WDHD1: variants seen among roughly 807,000 people sequenced by gnomAD.
The protein encoded by WDHD1 is WD repeat and HMG-box DNA binding protein 1.
A neutral mutation model predicts 135.4 loss-of-function variants in WDHD1; 111 were observed. That is an observed-to-expected ratio of 0.82 (90% CI 0.70 to 0.96). WDHD1 has a LOEUF of 0.96. Among genes scored for constraint, WDHD1 ranks in the 40% least tolerant of loss-of-function variants. The pLI is 0.00. For missense variants in WDHD1, 1,351 were observed against 1,336.3 expected, an observed-to-expected ratio of 1.01 and a Z score of -0.17; for synonymous variants, 434 against 439.0, an observed-to-expected ratio of 0.99 and a Z score of 0.14.
chr14:55,013,811 T>C (rs965440369), intron 2 of WDHD1, among the ~76,000 whole-genome samples: 2 of 151,730 alleles, frequency 1.3e-5, no homozygotes, highest in African/African-American at 4.8e-5. Flanking sequence ...GAGGCTGCAG[T>C]AGGAAGATAA....
At chr14:55,010,771 A>C (rs1299586826) in intron 3 of WDHD1, among the ~76,000 whole-genome samples, 3 of 152,270 alleles carry the variant, frequency 2.0e-5, no homozygotes, top group African/African-American at 7.2e-5. Flanking sequence ...AAGGAGACTC[A>C]AGAGAGCTTT....
At chr14:54,952,096 C>G (rs2041066874) in intron 24 of WDHD1, among the ~76,000 whole-genome samples, 1 of 152,192 alleles carries the variant, frequency 6.6e-6, no homozygotes, top group African/African-American at 2.4e-5. Context: ...CAGGGATGCC[C>G]TCTCTCACCA....
In WDHD1 at chr14:55,000,693, A is replaced by G. The variant is rs145936318; in HGVS notation, c.801-49T>C. The G allele has an allele frequency of 4.6e-4, 650 of 1,412,090 alleles. 1 individual carries two copies. The highest frequency in any genetic ancestry group is 4.1e-3 in the African/African-American group (278 of 67,650). 87.5% of individuals were successfully genotyped at this position (1,412,090 alleles called of 1,614,324 possible). ...AAAAATACTGTCAAGAAAAATATAA[A>G]TTGTACATTTCTTTAGGTAAATTTT... is the stretch of plus-strand genomic sequence containing the variant. On this transcript the variant is annotated intron_variant, in intron 9 of 25. Coordinates refer to ENST00000360586, the MANE Select transcript of WDHD1 (RefSeq NM_007086.4).
At chr14:54,962,693 T>C in intron 20 of WDHD1, 45 bp downstream of exon 20, 1 of 1,597,674 alleles carries the variant, frequency 6.3e-7, no homozygotes, top group South Asian at 1.1e-5. Context: ...AAAAGCCACA[T>C]CCATGATAGT....
chr14:55,013,384 TAAAC>T (rs540982109), intron 3 of WDHD1, 97 bp downstream of exon 3: 987 of 753,410 alleles, frequency 1.3e-3, no homozygotes, highest in Admixed American at 2.6e-3. Flanking sequence ...TTTCATGAGA[TAAAC>T]AAAGGTATAT....
chr14:54,958,075 T>C (rs934476122), intron 21 of WDHD1, among the ~76,000 whole-genome samples: 5 of 151,738 alleles, frequency 3.3e-5, no homozygotes, highest in Non-Finnish European at 7.4e-5. Context: ...ACAAACCTTC[T>C]CTACCCCACA....
chr14:54,963,790 ACT>A (rs1302757896), intron 18 of WDHD1, among the ~76,000 whole-genome samples: 4 of 128,156 alleles, frequency 3.1e-5, no homozygotes, highest in Non-Finnish European at 6.4e-5. Context: ...AGAAAGCGAG[ACT>A]CTGTCTCAAA....
intron 16 of WDHD1, among the ~76,000 whole-genome samples, chr14:54,980,645 A>C (rs2041602468): frequency 6.6e-6 from 1 of 152,098 alleles, no homozygotes; most frequent in African/African-American, 2.4e-5. Context: ...CTCTACTAAA[A>C]ATACAAAAAT....
intron 16 of WDHD1, among the ~76,000 whole-genome samples, chr14:54,970,621 C>CAAAAAAAAAAAAAAAAAAAA (rs202021020): frequency 7.7e-6 from 1 of 130,648 alleles, no homozygotes; most frequent in African/African-American, 2.8e-5. Context: ...GTCACAGCAC[C>CAAAAAAAAAAAAAAAAAAAA]AAAAAAAAAA....
At chr14:54,953,929 G>A (rs570686686) in intron 24 of WDHD1, among the ~76,000 whole-genome samples, 3 of 152,104 alleles carry the variant, frequency 2.0e-5, no homozygotes, top group East Asian at 1.9e-4. Flanking sequence ...CAATGAGAAC[G>A]CTTGGACACA....
At chr14:54,981,469 A>G (rs1439722984) in intron 16 of WDHD1, 71 bp downstream of exon 16, 5 of 1,421,276 alleles carry the variant, frequency 3.5e-6, no homozygotes, top group Admixed American at 2.0e-5. Context: ...ATACACTTAA[A>G]GGGCCTCATA....
Position 54,967,399 on chromosome 14 carries a change from TAG to T in WDHD1, c.2064-7_2064-6del. 1 of 1,585,454 alleles carries T rather than the reference TAG, an allele frequency of 6.3e-7. No homozygotes were observed. The highest frequency in any genetic ancestry group is 1.4e-5 in the African/African-American group (1 of 73,298). The stretch of plus-strand genomic sequence containing the variant: ...GAACCTTTACAAGGAATGCACCTGT[TAG>T]TAAAGAAAAGTTCCATCATAAAAAT... On this transcript the variant is annotated splice_region_variant and splice_polypyrimidine_tract_variant and intron_variant, in intron 16 of 25. Coordinates refer to ENST00000360586, the MANE Select transcript of WDHD1 (RefSeq NM_007086.4).
rs768757036 is a variant in WDHD1 at position 55,010,463 on chromosome 14, A to G, written c.190-3T>C. 1.3e-6 allele frequency: 2 copies of G among 1,560,882 alleles called. No individual in the cohort carries two copies. Among genetic ancestry groups the G allele is most frequent in the Non-Finnish European group, 1.7e-6 (2 of 1,156,546 alleles). ...ACTGCAGTGACCAGTTTTCCACTCT[A>G]AAAGAAAAATTAAGGTAAGAAACAT... is the stretch of plus-strand genomic sequence containing the variant. On this transcript the variant is annotated splice_region_variant and splice_polypyrimidine_tract_variant and intron_variant, in intron 3 of 25. Coordinates refer to ENST00000360586, the MANE Select transcript of WDHD1 (RefSeq NM_007086.4).
chr14:54,982,481 T>C (rs1270983415), intron 15 of WDHD1, among the ~76,000 whole-genome samples: 2 of 152,128 alleles, frequency 1.3e-5, no homozygotes, highest in Non-Finnish European at 2.9e-5. Flanking sequence ...CACTACTCTG[T>C]CCCCAACTAC....
intron 24 of WDHD1, 172 bp from the exon 25 acceptor site, chr14:54,944,642 CAG>C (rs1279593664): frequency 6.3e-6 from 3 of 478,438 alleles, no homozygotes; most frequent in Admixed American, 6.2e-5. Context: ...TTTTTTGAGA[CAG>C]AGTCTCACTC....
intron 2 of WDHD1, among the ~76,000 whole-genome samples, chr14:55,023,626 T>C (rs1172697039): frequency 1.3e-5 from 2 of 152,240 alleles, no homozygotes; most frequent in East Asian, 3.8e-4. Flanking sequence ...ATGAAAAATA[T>C]ATGAGAATCA....
chr14:54,991,845 G>A (rs777157520), intron 11 of WDHD1, among the ~76,000 whole-genome samples: 44 of 152,074 alleles, frequency 2.9e-4, no homozygotes, highest in Non-Finnish European at 4.7e-4. Flanking sequence ...ACACATGCCA[G>A]ATAAACTACG....
At chr14:54,981,988 C>T (rs1022718667) in intron 15 of WDHD1, among the ~76,000 whole-genome samples, 8 of 151,514 alleles carry the variant, frequency 5.3e-5, no homozygotes, top group East Asian at 1.9e-4. Context: ...ATAATAATTT[C>T]ATTTATTTAT....
intron 11 of WDHD1, among the ~76,000 whole-genome samples, chr14:54,994,360 T>G: frequency 6.6e-6 from 1 of 152,186 alleles, no homozygotes; most frequent in Non-Finnish European, 1.5e-5. Flanking sequence ...ATATTAATAG[T>G]AGCACTGCCA....
Sources: allele counts gnomAD v4.1 joint callset (sites outside exome capture counted in the v4.1 genomes callset), GRCh38; gene constraint gnomAD v4.1.1; transcripts MANE v1.5; gene names NCBI Gene and HGNC (gene_info 2026-07-23, HGNC 2026-07-21).